Variants in NFKB1 observed in about 807,000 individuals in gnomAD.
The protein encoded by NFKB1 is nuclear factor kappa B subunit 1.
Under a neutral mutation model 105.1 loss-of-function variants are expected in NFKB1, and 9 were observed. The observed-to-expected ratio is 0.09, with a 90% CI of 0.05 to 0.15. The LOEUF is 0.15. Among genes scored for constraint, NFKB1 ranks in the 10% least tolerant of loss-of-function variants. The pLI is 1.00. For synonymous variants in NFKB1, 440 were observed against 442.2 expected (o/e 1.00, Z 0.06); for missense variants, 830 against 1,203.7 (o/e 0.69, Z 4.59).
intron 5 of NFKB1, among the ~76,000 whole-genome samples, chr4:102,561,275 T>TGTGTG (rs367847805): frequency 9.1e-5 from 10 of 109,874 alleles, no homozygotes; most frequent in African/African-American, 3.5e-4. Flanking sequence ...CTTTTTTTTT[T>TGTGTG]TTTTTTTGTG....
At chr4:102,590,224 T>C (rs1291167919) in intron 11 of NFKB1, among the ~76,000 whole-genome samples, 1 of 152,164 alleles carries the variant, frequency 6.6e-6, no homozygotes, top group Admixed American at 6.6e-5. Context: ...CACACACACG[T>C]AAAAGATGAA....
chr4:102,544,398 A>ATT (rs542212667), intron 5 of NFKB1, among the ~76,000 whole-genome samples: 29 of 152,194 alleles, frequency 1.9e-4, no homozygotes, highest in Non-Finnish European at 3.8e-4. Context: ...ATGAAACTGA[A>ATT]TTGATGGCCA....
At chr4:102,606,295 T>C (rs1727717226) in intron 16 of NFKB1, among the ~76,000 whole-genome samples, 1 of 152,246 alleles carries the variant, frequency 6.6e-6, no homozygotes, top group African/African-American at 2.4e-5. Context: ...ATTGAATGGC[T>C]AAGTGTTAGT....
Position 102,585,670 on chromosome 4 carries a change from G to C in NFKB1, c.1066+850G>C, listed in dbSNP as rs181047940. ...ATTATGATTTTAATAAGTACCGAAA[G>C]TGAAGCATCCATAAAAATATAAGAG... On this transcript the variant is annotated intron_variant, in intron 11 of 23. Transcript: ENST00000226574. 3.3e-5 allele frequency among the ~76,000 whole-genome samples: 5 copies of C among 152,350 alleles called. No individual in the cohort carries two copies. In the East Asian group the frequency reaches 9.6e-4, roughly 29 times the overall value.
chr4:102,566,314 G>A (rs1723862920), intron 5 of NFKB1, among the ~76,000 whole-genome samples: 1 of 152,074 alleles, frequency 6.6e-6, no homozygotes, highest in Admixed American at 6.6e-5. Flanking sequence ...GAAATCTAAG[G>A]ATTTGTACTT....
chr4:102,606,577 C>T lies in NFKB1; in HGVS notation c.1834C>T (p.Leu612=). The T allele has an allele frequency of 1.2e-6, 2 of 1,614,152 alleles. No homozygotes were observed. The highest frequency in any genetic ancestry group is 1.7e-6 in the Non-Finnish European group (2 of 1,180,026). The part of the protein sequence containing the change: ...LLRAGADLSL[L]DRLGNSVLHL... ...GAGGGCTGGGGCCGACCTGAGCCTT[C>T]TGGACCGCTTGGGTAACTCTGTTTT... The change falls in exon 17 of 24, where the codon CTG becomes TTG. Residue 612 remains leucine, a synonymous_variant. Transcript: ENST00000226574.
chr4:102,504,898 A>G (rs887274693), intron 1 of NFKB1, among the ~76,000 whole-genome samples: 19 of 152,216 alleles, frequency 1.2e-4, no homozygotes, highest in Admixed American at 6.5e-5. Flanking sequence ...ATCAAAAAAG[A>G]TTAATATTTG....
chr4:102,544,394 C>G (rs1189217941), intron 5 of NFKB1, among the ~76,000 whole-genome samples: 1 of 152,082 alleles, frequency 6.6e-6, no homozygotes, highest in South Asian at 2.1e-4. Flanking sequence ...AAAGATGAAA[C>G]TGAATTGATG....
In NFKB1 at chr4:102,518,854, G is replaced by A. The variant is rs140479871; in HGVS notation, c.-7-6658G>A. Among the ~76,000 whole-genome samples the A allele has an allele frequency of 1.9e-3, 289 of 152,270 alleles. 2 individuals are homozygous for A. The highest frequency in any genetic ancestry group is 1.8e-3 in the Non-Finnish European group (121 of 68,008). On this transcript the variant is annotated intron_variant, in intron 1 of 23. Coordinates refer to ENST00000226574, the MANE Select transcript of NFKB1 (RefSeq NM_003998.4). ...ATGGTCTTTGATTTTCCAGTGGCTGGTGCAGGCTTGTTTGCATGGTAACAA... is the reference window on the plus strand; with the variant it reads ...ATGGTCTTTGATTTTCCAGTGGCTGATGCAGGCTTGTTTGCATGGTAACAA...
chr4:102,578,026 A>T (rs1197969715), intron 7 of NFKB1: 2 of 980,856 alleles, frequency 2.0e-6, no homozygotes, highest in Non-Finnish European at 2.4e-6. Flanking sequence ...CTGCATTTCC[A>T]ATCTATTTCC....
rs200186183 is a variant in NFKB1 at position 102,579,024 on chromosome 4, G to A, written c.715G>A (p.Ala239Thr). ...GCGCCTGGAACCCGTGGTATCAGACGCCATCTATGACAGTAGTGAGTACTT... is the reference window on the plus strand; with the variant it reads ...GCGCCTGGAACCCGTGGTATCAGACACCATCTATGACAGTAGTGAGTACTT... ...TRRLEPVVSD[A>T]IYDSKAPNAS... Residue 239 changes from alanine (A) to threonine (T), a missense_variant, in exon 8 of 24, where the codon GCC becomes ACC. Physicochemically the swap from Ala to Thr is moderately conservative, Grantham distance 58. Coordinates refer to ENST00000226574, the MANE Select transcript of NFKB1 (RefSeq NM_003998.4). The A allele has an allele frequency of 5.6e-6, 9 of 1,613,942 alleles. No individual in the cohort carries two copies. Among genetic ancestry groups the A allele is most frequent in the East Asian group, 2.2e-5 (1 of 44,872 alleles).
chr4:102,613,356 G>A (rs1362968203), intron 22 of NFKB1, 69 bp from the exon 23 acceptor site: 2 of 1,529,430 alleles, frequency 1.3e-6, no homozygotes, highest in Non-Finnish European at 1.8e-6. Flanking sequence ...AGGGTGGGCT[G>A]TCAGTGCTTA....
At chr4:102,552,672 A>G (rs978260781) in intron 5 of NFKB1, among the ~76,000 whole-genome samples, 1 of 152,216 alleles carries the variant, frequency 6.6e-6, no homozygotes, top group African/African-American at 2.4e-5. Flanking sequence ...AATAGCTTAC[A>G]CACTACTTTA....
intron 18 of NFKB1, 26 bp from the exon 19 acceptor site, chr4:102,607,623 G>A (rs1455166430): frequency 5.6e-6 from 9 of 1,609,858 alleles, no homozygotes; most frequent in East Asian, 2.2e-5. Flanking sequence ...TTCCACTAAC[G>A]CTTTCTTGTG....
At chr4:102,594,862 A>ATGTT in intron 12 of NFKB1, 30 bp from the exon 13 acceptor site, 1 of 1,476,206 alleles carries the variant, frequency 6.8e-7, no homozygotes, top group Middle Eastern at 1.7e-4. Context: ...TATCTTCATG[A>ATGTT]TGTTTCATTT....
chr4:102,523,394 A>G (rs889502305), intron 1 of NFKB1, among the ~76,000 whole-genome samples: 9 of 152,164 alleles, frequency 5.9e-5, no homozygotes, highest in African/African-American at 2.2e-4. Context: ...AAAGTTGTAC[A>G]CTGCTCTGCA....
intron 23 of NFKB1, among the ~76,000 whole-genome samples, chr4:102,615,229 T>C (rs111291783): frequency 6.6e-6 from 1 of 152,168 alleles, no homozygotes; most frequent in African/African-American, 2.4e-5. Flanking sequence ...GTGTTCGAGG[T>C]TTTAAAGATA....
chr4:102,560,651 C>T (rs1288149880), intron 5 of NFKB1, among the ~76,000 whole-genome samples: 2 of 152,124 alleles, frequency 1.3e-5, no homozygotes, highest in Non-Finnish European at 2.9e-5. Flanking sequence ...GAGAATACCA[C>T]ATTTATATTC....
At chr4:102,545,862 A>T (rs763395450) in intron 5 of NFKB1, among the ~76,000 whole-genome samples, 2 of 152,206 alleles carry the variant, frequency 1.3e-5, no homozygotes, top group Non-Finnish European at 2.9e-5. Context: ...TAGATATTCA[A>T]TGTATACCGT....
Sources: allele counts gnomAD v4.1 joint callset (sites outside exome capture counted in the v4.1 genomes callset), GRCh38; gene constraint gnomAD v4.1.1; transcripts MANE v1.5; gene names NCBI Gene and HGNC (gene_info 2026-07-23, HGNC 2026-07-21).